Variants in MS4A4A observed in about 807,000 individuals in gnomAD.
MS4A4A encodes membrane-spanning 4-domains subfamily A member 4A.
A neutral mutation model predicts 28.0 loss-of-function variants in MS4A4A; 26 were observed. The observed-to-expected ratio is 0.93, with a 90% CI of 0.68 to 1.29. MS4A4A has a LOEUF of 1.29. MS4A4A is among the 50% of genes most tolerant of loss of function. The pLI, the probability that MS4A4A is intolerant of heterozygous loss-of-function variation, is 0.00. For missense variants in MS4A4A, 290 were observed against 293.1 expected, an observed-to-expected ratio of 0.99 and a Z score of 0.08; for synonymous variants, 86 against 100.8, an observed-to-expected ratio of 0.85 and a Z score of 0.88.
chr11:60,294,524 A>G (rs1314336559), intron 2 of MS4A4A, among the ~76,000 whole-genome samples: 2 of 152,162 alleles, frequency 1.3e-5, no homozygotes, highest in African/African-American at 2.4e-5. Context: ...TGACAAATTC[A>G]TCACCAAACC....
chr11:60,300,784 A>G (rs529414781), intron 3 of MS4A4A, among the ~76,000 whole-genome samples: 1 of 152,078 alleles, frequency 6.6e-6, no homozygotes, highest in Non-Finnish European at 1.5e-5. Flanking sequence ...TTTCAGTTAG[A>G]TATTTGAAAA....
intron 1 of MS4A4A, among the ~76,000 whole-genome samples, chr11:60,281,927 T>TA (rs908835053): frequency 4.5e-4 from 68 of 150,744 alleles, no homozygotes; most frequent in Admixed American, 2.5e-3. Flanking sequence ...TCTCAGCAGT[T>TA]AAAAAAAAAA....
intron 3 of MS4A4A, among the ~76,000 whole-genome samples, chr11:60,300,523 G>A (rs1262462480): frequency 6.6e-6 from 1 of 150,936 alleles, no homozygotes; most frequent in Admixed American, 6.6e-5. Context: ...GGCTGAGGCA[G>A]GAGAATGGCG....
intron 3 of MS4A4A, among the ~76,000 whole-genome samples, chr11:60,299,863 C>T (rs1231820661): frequency 6.6e-6 from 1 of 151,940 alleles, no homozygotes. Context: ...TAGCAATAAG[C>T]ATGTAATTTT....
intron 1 of MS4A4A, among the ~76,000 whole-genome samples, chr11:60,289,083 G>A (rs981242936): frequency 5.9e-5 from 9 of 152,124 alleles, no homozygotes; most frequent in Non-Finnish European, 8.8e-5. Flanking sequence ...GTGGTGTAGT[G>A]GTGGTTAAGC....
chr11:60,300,615 CAAAAAAAAAAAAAAAA>C (rs760648433), intron 3 of MS4A4A, among the ~76,000 whole-genome samples: 1 of 36,038 alleles, frequency 2.8e-5, no homozygotes, highest in Non-Finnish European at 5.2e-5. Context: ...GACTCCGTCT[CAAAAAAAAAAAAAAAA>C]AAAAAAAAAA....
chr11:60,282,475 C>A, intron 1 of MS4A4A: 3 of 850,606 alleles, frequency 3.5e-6, no homozygotes, highest in Non-Finnish European at 4.8e-6. Context: ...GACTAATCCA[C>A]ATGTGGGCAA....
intron 5 of MS4A4A, among the ~76,000 whole-genome samples, chr11:60,304,597 G>A (rs1017252202): frequency 2.6e-5 from 4 of 152,288 alleles, no homozygotes; most frequent in Non-Finnish European, 5.9e-5. Context: ...CTATATACAT[G>A]CTACCTTTTT....
At chr11:60,296,448 A>G (rs2084906119) in intron 2 of MS4A4A, among the ~76,000 whole-genome samples, 1 of 151,776 alleles carries the variant, frequency 6.6e-6, no homozygotes, top group Non-Finnish European at 1.5e-5. Flanking sequence ...TTGTTTATTC[A>G]TGTTCTGTTT....
intron 5 of MS4A4A, among the ~76,000 whole-genome samples, chr11:60,303,060 GTC>G (rs1198582585): frequency 6.6e-6 from 1 of 152,168 alleles, no homozygotes; most frequent in Non-Finnish European, 1.5e-5. Flanking sequence ...GGGCCCTGAT[GTC>G]AGTCCCTATT....
At chr11:60,300,911 T>G (rs2084947907) in intron 3 of MS4A4A, 90 bp from the exon 4 acceptor site, 6 of 899,278 alleles carry the variant, frequency 6.7e-6, no homozygotes, top group Non-Finnish European at 1.0e-5. Flanking sequence ...CTGATTAACA[T>G]ATCTATCTAA....
At chr11:60,307,417 T>A (rs1254457526) in intron 6 of MS4A4A, among the ~76,000 whole-genome samples, 1 of 152,208 alleles carries the variant, frequency 6.6e-6, no homozygotes, top group Non-Finnish European at 1.5e-5. Context: ...ATTTTATAAT[T>A]TCATTGAGTA....
At chr11:60,297,061 T>G (rs2084911520) in intron 2 of MS4A4A, 136 bp from the exon 3 acceptor site, 1 of 1,001,710 alleles carries the variant, frequency 1.0e-6, no homozygotes, top group Admixed American at 2.3e-5. Context: ...GAAAAAAGAG[T>G]GATAAGAGAA....
intron 1 of MS4A4A, chr11:60,282,797 AT>A: frequency 8.5e-7 from 1 of 1,173,822 alleles, no homozygotes; most frequent in South Asian, 1.6e-5. Flanking sequence ...AACATTAAAA[AT>A]TTTAACTTTA....
chr11:60,295,604 T>C (rs2084899087), intron 2 of MS4A4A, among the ~76,000 whole-genome samples: 1 of 152,136 alleles, frequency 6.6e-6, no homozygotes, highest in Non-Finnish European at 1.5e-5. Context: ...CTCCATTAAG[T>C]ATGAAGTTAG....
In MS4A4A at chr11:60,308,605, C is replaced by CT. The variant is rs199848426; in HGVS notation, c.*436dup. 7.1e-5 allele frequency: 11 copies of CT among 154,556 alleles called. No individual in the cohort carries two copies. The highest frequency in any genetic ancestry group is 6.1e-4 in the South Asian group (3 of 4,916). The allele number at this position is 154,556 out of a possible 1,614,324, so 9.6% of individuals were successfully genotyped here. On this transcript the variant is annotated 3_prime_UTR_variant, in exon 7 of 7. Coordinates refer to ENST00000337908, the MANE Select transcript of MS4A4A (RefSeq NM_148975.3). ...ACATACTTCCCTCCCATTTATTTAA[C>CT]TTTTTTTTTCTCCTACCTATGGGGA...
At chr11:60,307,263 C>T (rs2135037147) in intron 6 of MS4A4A, among the ~76,000 whole-genome samples, 1 of 152,148 alleles carries the variant, frequency 6.6e-6, no homozygotes, top group East Asian at 1.9e-4. Context: ...CCAGGCCTTC[C>T]TCACAGAAGA....
intron 3 of MS4A4A, among the ~76,000 whole-genome samples, chr11:60,299,725 T>C (rs543543343): frequency 1.3e-5 from 2 of 152,206 alleles, no homozygotes; most frequent in East Asian, 3.8e-4. Context: ...CCTCCCAAAG[T>C]GCTGGGATTA....
chr11:60,282,086 A>G (rs758218851), intron 1 of MS4A4A, among the ~76,000 whole-genome samples: 18 of 152,214 alleles, frequency 1.2e-4, no homozygotes, highest in Non-Finnish European at 2.2e-4. Context: ...TTAGAATGAC[A>G]AAGCACCAGC....
Sources: gnomAD v4.1 joint callset for allele counts (sites outside exome capture counted in the v4.1 genomes callset) on GRCh38, gnomAD v4.1.1 for gene constraint, MANE v1.5 for transcripts, NCBI Gene and HGNC (gene_info 2026-07-23, HGNC 2026-07-21) for gene names.